CEP43: variants seen among roughly 807,000 people sequenced by gnomAD.
The protein encoded by CEP43 is centrosomal protein 43.
Under a neutral mutation model 52.6 loss-of-function variants are expected in CEP43, and 36 were observed. The ratio of observed to expected loss-of-function variants is 0.68; its 90% CI spans 0.52 to 0.90. CEP43 has a LOEUF of 0.90. CEP43 is among the 40% of genes least tolerant of loss of function. CEP43 has a pLI of 0.00. For synonymous variants in CEP43, 192 were observed against 172.4 expected (o/e 1.11, Z -0.89); for missense variants, 506 against 472.8 (o/e 1.07, Z -0.65).
At chr6:167,021,867 G>C (rs1780239716) in intron 7 of CEP43, among the ~76,000 whole-genome samples, 1 of 152,204 alleles carries the variant, frequency 6.6e-6, no homozygotes, top group African/African-American at 2.4e-5. Context: ...CTTTCACCTT[G>C]ATGCCTGTTG....
intron 6 of CEP43, among the ~76,000 whole-genome samples, chr6:167,013,250 C>CCA (rs1217418651): frequency 6.6e-6 from 1 of 152,170 alleles, no homozygotes; most frequent in East Asian, 1.9e-4. Context: ...AGCTGATTCT[C>CCA]CACCCAGTAG....
At chr6:167,030,702 C>T (rs1780449637) in intron 10 of CEP43, among the ~76,000 whole-genome samples, 1 of 152,204 alleles carries the variant, frequency 6.6e-6, no homozygotes, top group Admixed American at 6.5e-5. Flanking sequence ...CCCCTGTTCT[C>T]TTTGGCCTGG....
intron 7 of CEP43, among the ~76,000 whole-genome samples, chr6:167,020,002 T>A (rs1331576066): frequency 6.6e-6 from 1 of 152,270 alleles, no homozygotes; most frequent in Non-Finnish European, 1.5e-5. Context: ...TGTACATATG[T>A]TTAAATATCA....
At chr6:167,017,659 C>T (rs12526548) in intron 7 of CEP43, among the ~76,000 whole-genome samples, 63,722 of 149,708 alleles carry the variant, frequency 0.43, 13,628 homozygotes, top group Non-Finnish European at 0.48. Context: ...ATTAAGGTTT[C>T]TCATTGTGAA....
intron 8 of CEP43, among the ~76,000 whole-genome samples, chr6:167,024,137 G>A (rs1282928193): frequency 6.6e-6 from 1 of 152,144 alleles, no homozygotes; most frequent in Non-Finnish European, 1.5e-5. Flanking sequence ...TGGAAAAGTG[G>A]AGAGCGTGTG....
intron 5 of CEP43, among the ~76,000 whole-genome samples, chr6:167,007,996 C>A (rs989383118): frequency 6.6e-6 from 1 of 152,188 alleles, no homozygotes; most frequent in African/African-American, 2.4e-5. Flanking sequence ...AAACTTCAGC[C>A]CTTCCTCTGT....
intron 12 of CEP43, among the ~76,000 whole-genome samples, chr6:167,035,440 G>T (rs562355745): frequency 6.6e-6 from 1 of 152,188 alleles, no homozygotes; most frequent in Non-Finnish European, 1.5e-5. Flanking sequence ...CAGGGCTGGG[G>T]ATGTGGGGGT....
rs1477946318 is a variant in CEP43 at position 167,048,844 on chromosome 6, G to A, written c.*8866G>A. 6.6e-6 allele frequency: 1 copy of A among 152,198 alleles called. No homozygotes were observed. Among genetic ancestry groups the A allele is most frequent in the Non-Finnish European group, 1.5e-5 (1 of 68,044 alleles). The allele number at this position is 152,198 out of a possible 1,614,324, so 9.4% of individuals were successfully genotyped here. ...CTAAATGTTCTTAGTCACTGAAAGT[G>A]TGAAATAGCCTCTAAACTCATATGT... On this transcript the variant is annotated 3_prime_UTR_variant, in exon 13 of 13. Transcript: ENST00000366847.
intron 9 of CEP43, among the ~76,000 whole-genome samples, chr6:167,026,136 G>T (rs1780350102): frequency 6.6e-6 from 1 of 152,200 alleles, no homozygotes; most frequent in Non-Finnish European, 1.5e-5. Context: ...AGGCCGAGGT[G>T]GGTGGATCAC....
chr6:167,042,211 T>A lies in CEP43; in HGVS notation c.*2233T>A. On this transcript the variant is annotated 3_prime_UTR_variant, in exon 13 of 13. Transcript: ENST00000366847. ...ACATGTACTTTTTGATTAGGTATTA[T>A]CAACTTATGAAACTTGAAGATGTGA... 9.9e-7 allele frequency: 1 copy of A among 1,006,778 alleles called. No homozygotes were observed. Among genetic ancestry groups the A allele is most frequent in the East Asian group, 7.3e-5 (1 of 13,746 alleles). The allele number at this position is 1,006,778 out of a possible 1,614,324, so 62.4% of individuals were successfully genotyped here. A position where few individuals can be genotyped will look rare whatever the true frequency, so the allele number is the denominator to read the frequency against.
intron 12 of CEP43, among the ~76,000 whole-genome samples, chr6:167,037,981 G>T (rs1357740345): frequency 6.6e-6 from 1 of 152,196 alleles, no homozygotes; most frequent in African/African-American, 2.4e-5. Flanking sequence ...GACTGGGAAG[G>T]TTGGGTTCTG....
chr6:167,003,041 AC>A (rs1381411263), intron 2 of CEP43, 151 bp from the exon 3 acceptor site: 23 of 412,712 alleles, frequency 5.6e-5, no homozygotes, highest in African/African-American at 4.3e-4. Flanking sequence ...TTGAGAAATT[AC>A]TAAATAGCAC....
intron 10 of CEP43, among the ~76,000 whole-genome samples, chr6:167,030,033 T>C (rs998106069): frequency 1.3e-5 from 2 of 152,240 alleles, no homozygotes; most frequent in Non-Finnish European, 2.9e-5. Context: ...TGGTGGAATG[T>C]CATCAGTTAA....
In CEP43 at chr6:167,032,757, G is replaced by A. The variant is rs558244400; in HGVS notation, c.1028+115G>A. 7.7e-6 allele frequency: 7 copies of A among 912,732 alleles called. No homozygotes were observed. The East Asian group carries it at 1.9e-4, about 25-fold the overall frequency. The allele number at this position is 912,732 out of a possible 1,614,324, so 56.5% of individuals were successfully genotyped here. On this transcript the variant is annotated intron_variant, in intron 11 of 12. Coordinates refer to ENST00000366847, the MANE Select transcript of CEP43 (RefSeq NM_007045.4). ...TTATTTTAATGTATTTGATTCTGTTGTTCATATTGATTGAAGATGAAGAAA... is the reference window on the plus strand; with the variant it reads ...TTATTTTAATGTATTTGATTCTGTTATTCATATTGATTGAAGATGAAGAAA...
intron 5 of CEP43, among the ~76,000 whole-genome samples, chr6:167,008,463 A>AT (rs148027487): frequency 0.023 from 3,452 of 150,604 alleles, 63 homozygotes; most frequent in East Asian, 0.092. Context: ...AGGCATTGTG[A>AT]TTTTTTTTTG....
intron 12 of CEP43, among the ~76,000 whole-genome samples, chr6:167,034,606 G>A (rs1326717314): frequency 6.6e-6 from 1 of 152,176 alleles, no homozygotes; most frequent in Non-Finnish European, 1.5e-5. Flanking sequence ...GGCTGGGTGG[G>A]GACTTGCTTT....
chr6:167,022,300 G>T (rs1009341644), intron 7 of CEP43, 109 bp from the exon 8 acceptor site: 48 of 620,244 alleles, frequency 7.7e-5, no homozygotes, highest in Middle Eastern at 3.4e-4. Context: ...ACACACAAAG[G>T]TTGCACACAC....
chr6:167,007,857 C>A (rs1779889951), intron 5 of CEP43, among the ~76,000 whole-genome samples: 1 of 152,176 alleles, frequency 6.6e-6, no homozygotes, highest in African/African-American at 2.4e-5. Flanking sequence ...GTTTTCTGAG[C>A]CCCTCAATGG....
chr6:167,009,833 T>C (rs116915416), intron 5 of CEP43, among the ~76,000 whole-genome samples: 3,077 of 151,318 alleles, frequency 0.02, 51 homozygotes, highest in East Asian at 0.092. Context: ...GAGACCCTGT[T>C]TCAAAAAAAA....
Sources: allele counts gnomAD v4.1 joint callset (sites outside exome capture counted in the v4.1 genomes callset), GRCh38; gene constraint gnomAD v4.1.1; transcripts MANE v1.5; gene names NCBI Gene and HGNC (gene_info 2026-07-23, HGNC 2026-07-21).